Variants in NOMO1 observed in about 807,000 individuals in gnomAD.
NOMO1 encodes nodal modulator 3.
A neutral mutation model predicts 133.8 loss-of-function variants in NOMO1; 40 were observed. That is an observed-to-expected ratio of 0.30 (90% CI 0.23 to 0.39). The LOEUF (loss-of-function observed/expected upper bound fraction) is 0.39. Ranked by LOEUF, NOMO1 falls within the 10% of genes least tolerant of loss-of-function variation. The pLI is 1.00. For synonymous variants in NOMO1, 236 were observed against 570.5 expected, an observed-to-expected ratio of 0.41 and a Z score of 8.36; for missense variants, 462 against 1,419.9, an observed-to-expected ratio of 0.33 and a Z score of 10.84.
intron 29 of NOMO1, among the ~76,000 whole-genome samples, chr16:14,894,355 C>T (rs1386729248): frequency 6.6e-6 from 1 of 152,088 alleles, no homozygotes; most frequent in Non-Finnish European, 1.5e-5. Context: ...TGGCACTTAC[C>T]GCTTCTGTTC....
At chr16:14,846,741 G>C in intron 5 of NOMO1, 58 bp downstream of exon 5, 2 of 1,159,562 alleles carry the variant, frequency 1.7e-6, no homozygotes, top group Non-Finnish European at 2.4e-6. Flanking sequence ...CAGGGGTCAT[G>C]GAGCTGGGTT....
chr16:14,880,627 C>T (rs1964229288), intron 24 of NOMO1, among the ~76,000 whole-genome samples: 1 of 151,938 alleles, frequency 6.6e-6, no homozygotes, highest in South Asian at 2.1e-4. Context: ...GATGATCTGC[C>T]TGCCTCGGTC....
chr16:14,885,021 G>A (rs1301399131), intron 27 of NOMO1, among the ~76,000 whole-genome samples: 7 of 152,016 alleles, frequency 4.6e-5, no homozygotes, highest in Admixed American at 2.0e-4. Flanking sequence ...TGAAGTGGGA[G>A]CAGGCATGTC....
At chr16:14,836,235 C>G (rs969937589) in intron 1 of NOMO1, among the ~76,000 whole-genome samples, 2 of 152,036 alleles carry the variant, frequency 1.3e-5, no homozygotes, top group Non-Finnish European at 2.9e-5. Flanking sequence ...ATCTGAATCT[C>G]TTTGTCACCT....
In NOMO1 at chr16:14,886,217, G is replaced by A. The variant is rs1176839099; in HGVS notation, c.3223-544G>A. On this transcript the variant is annotated intron_variant, in intron 27 of 30. Coordinates refer to ENST00000287667, the MANE Select transcript of NOMO1 (RefSeq NM_014287.4). ...GAGAGCCACGTACATGATGGAATGCGTTTTGAGTTTAACAGATTGGTGGAG... is the reference window on the plus strand; with the variant it reads ...GAGAGCCACGTACATGATGGAATGCATTTTGAGTTTAACAGATTGGTGGAG... Among the ~76,000 whole-genome samples the A allele has an allele frequency of 4.0e-5, 6 of 150,468 alleles. No homozygotes were observed. In the South Asian group the frequency reaches 6.4e-4, roughly 16 times the overall value.
At chr16:14,882,912 G>A (rs1410500744) in intron 26 of NOMO1, among the ~76,000 whole-genome samples, 5 of 152,184 alleles carry the variant, frequency 3.3e-5, no homozygotes, top group Middle Eastern at 3.4e-3. Flanking sequence ...TCCTCCCCGC[G>A]ACTTGCCCTG....
At chr16:14,871,503 A>T in intron 16 of NOMO1, 118 bp from the exon 17 acceptor site, 1 of 1,113,266 alleles carries the variant, frequency 9.0e-7, no homozygotes, top group East Asian at 2.5e-5. Context: ...ATTATTGCAG[A>T]TCTGCGATAC....
At chr16:14,878,236 C>T (rs920793851) in intron 22 of NOMO1, among the ~76,000 whole-genome samples, 1 of 129,824 alleles carries the variant, frequency 7.7e-6, no homozygotes, top group Non-Finnish European at 1.6e-5. Context: ...GCTCATGCCT[C>T]TAATCCCAGC....
At chr16:14,879,783 C>G (rs540508508) in intron 23 of NOMO1, among the ~76,000 whole-genome samples, 22 of 149,350 alleles carry the variant, frequency 1.5e-4, no homozygotes, top group Admixed American at 5.3e-4. Context: ...AATATGACTT[C>G]TACCTCTCTG....
chr16:14,845,491 G>A (rs2151893532), intron 4 of NOMO1, among the ~76,000 whole-genome samples: 1 of 152,156 alleles, frequency 6.6e-6, no homozygotes, highest in African/African-American at 2.4e-5. Flanking sequence ...ACTTACCTAG[G>A]AGGATTCCTA....
At chr16:14,884,094 C>T (rs1272590531) in intron 26 of NOMO1, among the ~76,000 whole-genome samples, 2 of 148,122 alleles carry the variant, frequency 1.4e-5, no homozygotes, top group Non-Finnish European at 3.0e-5. Context: ...GAAAATCTGG[C>T]TTCATATATG....
chr16:14,836,161 C>G (rs1963504706), intron 1 of NOMO1, among the ~76,000 whole-genome samples: 2 of 152,014 alleles, frequency 1.3e-5, no homozygotes, highest in Admixed American at 6.5e-5. Flanking sequence ...ATGAATGTCC[C>G]TTGATGTTGC....
chr16:14,866,530 C>T, intron 14 of NOMO1, 25 bp from the exon 15 acceptor site: 1 of 1,610,058 alleles, frequency 6.2e-7, no homozygotes, highest in South Asian at 1.1e-5. Flanking sequence ...GCCCATGTAT[C>T]CGTTTTTGGT....
Position 14,867,175 on chromosome 16 carries a change from TA to T in NOMO1, c.1806+485del, listed in dbSNP as rs1440503496. ...ATATATATATATATATATATATATA[TA>T]TTTTTTTTTTTTTTTTTTTTTTTTT... On this transcript the variant is annotated intron_variant, in intron 15 of 30. Coordinates refer to ENST00000287667, the MANE Select transcript of NOMO1 (RefSeq NM_014287.4). Among the ~76,000 whole-genome samples, 64 of 18,656 alleles carry T rather than the reference TA, an allele frequency of 3.4e-3. 2 individuals are homozygous for T. The highest frequency in any genetic ancestry group is 7.1e-3 in the African/African-American group (36 of 5,066). The allele number at this position is 18,656 out of a possible 152,430, so 12.2% of individuals were successfully genotyped here.
Position 14,846,636 on chromosome 16 carries a change from T to C in NOMO1, c.462T>C (p.Thr154=), listed in dbSNP as rs754874115. The C allele has an allele frequency of 1.8e-5, 24 of 1,364,364 alleles. No individual in the cohort carries two copies. In the South Asian group the frequency reaches 3.0e-4, roughly 17 times the overall value. The allele number at this position is 1,364,364 out of a possible 1,614,324, so 84.5% of individuals were successfully genotyped here. ...GAGTTCAGGTGTCTCTGAGAAACAC[T>C]GGGACCGAAGCAAAGATCCAGTCCA... ...PAGVQVSLRN[T]GTEAKIQSTV... is the part of the protein sequence containing the mutation. Residue 154 remains threonine, a synonymous_variant, in exon 5 of 31, where the codon ACT becomes ACC. Transcript: ENST00000287667.
At chr16:14,894,947 G>A in intron 29 of NOMO1, 51 bp from the exon 30 acceptor site, 3 of 1,612,026 alleles carry the variant, frequency 1.9e-6, no homozygotes, top group Non-Finnish European at 2.5e-6. Flanking sequence ...TGTGGATGAT[G>A]GACAATCGTG....
At chr16:14,883,572 TCTG>T (rs1328925886) in intron 26 of NOMO1, among the ~76,000 whole-genome samples, 2 of 151,952 alleles carry the variant, frequency 1.3e-5, no homozygotes, top group Non-Finnish European at 2.9e-5. Context: ...CCTCAGGTGA[TCTG>T]CTCGCTTCGG....
chr16:14,892,780 C>T (rs1365978519), intron 29 of NOMO1, among the ~76,000 whole-genome samples: 4 of 150,508 alleles, frequency 2.7e-5, no homozygotes, highest in African/African-American at 9.8e-5. Context: ...TTCACAGAAG[C>T]CCAGAAAGAT....
At chr16:14,856,718 G>T (rs1007615021) in intron 9 of NOMO1, among the ~76,000 whole-genome samples, 4 of 151,932 alleles carry the variant, frequency 2.6e-5, no homozygotes, top group African/African-American at 9.7e-5. Flanking sequence ...GGCCTAGGTG[G>T]ATTTCATAAG....
Sources: gnomAD v4.1 joint callset for allele counts (sites outside exome capture counted in the v4.1 genomes callset) on GRCh38, gnomAD v4.1.1 for gene constraint, MANE v1.5 for transcripts, NCBI Gene and HGNC (gene_info 2026-07-23, HGNC 2026-07-21) for gene names.